STK3: variants seen among roughly 807,000 people sequenced by gnomAD.
STK3 encodes the protein serine/threonine-protein kinase 3.
Under a neutral mutation model 58.0 loss-of-function variants are expected in STK3, and 41 were observed. The ratio of observed to expected loss-of-function variants is 0.71; its 90% CI spans 0.55 to 0.92. The LOEUF is 0.92. Among genes scored for constraint, STK3 ranks in the 40% least tolerant of loss-of-function variants. The probability of loss-of-function intolerance (pLI) is 0.00; values close to 1 mark genes in which losing one functional copy is unlikely to be tolerated. For synonymous variants in STK3, 170 were observed against 191.0 expected (o/e 0.89, Z 0.91); for missense variants, 479 against 602.7 (o/e 0.79, Z 2.15).
At chr8:98,628,891 T>C (rs1305918157) in intron 6 of STK3, among the ~76,000 whole-genome samples, 42 of 149,470 alleles carry the variant, frequency 2.8e-4, no homozygotes, top group Admixed American at 2.5e-3. Flanking sequence ...AGGAATAAAG[T>C]AGACGAAGGC....
chr8:98,385,637 G>A (rs749351732), intron 1 of STK3, among the ~76,000 whole-genome samples: 1 of 152,088 alleles, frequency 6.6e-6, no homozygotes, highest in Non-Finnish European at 1.5e-5. Context: ...GCCCCCGTCC[G>A]TCACTGTAGC....
intron 9 of STK3, among the ~76,000 whole-genome samples, chr8:98,530,141 A>G (rs1229486753): frequency 6.6e-6 from 1 of 152,224 alleles, no homozygotes; most frequent in Non-Finnish European, 1.5e-5. Flanking sequence ...GTTTGCCTTC[A>G]CAACGTCAAT....
At chr8:98,907,450 T>C in intron 1 of STK3, among the ~76,000 whole-genome samples, 1 of 141,216 alleles carries the variant, frequency 7.1e-6, no homozygotes, top group East Asian at 2.2e-4. Context: ...GAGGCAGAAG[T>C]TACAGTGAGC....
intron 6 of STK3, among the ~76,000 whole-genome samples, chr8:98,704,576 A>C (rs1229409751): frequency 6.6e-6 from 1 of 152,072 alleles, no homozygotes; most frequent in Non-Finnish European, 1.5e-5. Flanking sequence ...TAAAAAAAAA[A>C]AAACAGTGAG....
intron 6 of STK3, among the ~76,000 whole-genome samples, chr8:98,679,107 G>A (rs750472405): frequency 6.6e-6 from 1 of 152,100 alleles, no homozygotes; most frequent in Non-Finnish European, 1.5e-5. Flanking sequence ...AGAAGTCACC[G>A]TCATCTCTCG....
chr8:98,768,912 T>C (rs1000682799), intron 2 of STK3, among the ~76,000 whole-genome samples: 4 of 152,234 alleles, frequency 2.6e-5, no homozygotes, highest in Non-Finnish European at 4.4e-5. Context: ...ACTGAGGTAG[T>C]TGGTGGGAGT....
chr8:98,648,498 C>A (rs1044369793), intron 6 of STK3, among the ~76,000 whole-genome samples: 26 of 152,112 alleles, frequency 1.7e-4, no homozygotes, highest in Non-Finnish European at 2.4e-4. Flanking sequence ...AAACTGCTTT[C>A]CAAGAAAAGA....
intron 8 of STK3, among the ~76,000 whole-genome samples, chr8:98,572,076 ACT>A (rs1813013965): frequency 6.6e-6 from 1 of 152,194 alleles, no homozygotes; most frequent in Admixed American, 6.5e-5. Flanking sequence ...AAAAACAAGT[ACT>A]CTTTTACTGT....
intron 6 of STK3, among the ~76,000 whole-genome samples, chr8:98,636,425 T>C (rs1819623584): frequency 1.3e-5 from 2 of 152,176 alleles, no homozygotes; most frequent in Admixed American, 1.3e-4. Context: ...CTGCCTATCA[T>C]ATGCCAGGCA....
At chr8:98,844,744 T>G (rs1263749479) in intron 3 of STK3, among the ~76,000 whole-genome samples, 2 of 152,048 alleles carry the variant, frequency 1.3e-5, no homozygotes, top group Non-Finnish European at 2.9e-5. Context: ...GGATTACAGG[T>G]GTGAGCCACT....
chr8:98,407,753 TGTGTGC>T (rs753828275), intron 3 of STK3, among the ~76,000 whole-genome samples: 8,280 of 110,044 alleles, frequency 0.075, 241 homozygotes, highest in Non-Finnish European at 0.1. Flanking sequence ...TGTGTGTGTG[TGTGTGC>T]GCGCGCGCGC....
At chr8:98,430,644 C>G (rs1299278494) in intron 3 of STK3, 1 of 167,012 alleles carries the variant, frequency 6.0e-6, no homozygotes, top group Non-Finnish European at 1.5e-5. Flanking sequence ...AGCATGTACT[C>G]AAAATATAGA....
chr8:98,449,097 C>CTCTA (rs1164731411), intron 1 of STK3, among the ~76,000 whole-genome samples: 1 of 152,106 alleles, frequency 6.6e-6, no homozygotes. Context: ...CTGTGATGTT[C>CTCTA]TCTATCTTGG....
At chr8:98,638,343 A>G (rs1187589216) in intron 6 of STK3, 2 of 152,206 alleles carry the variant, frequency 1.3e-5, no homozygotes, top group Non-Finnish European at 2.9e-5. Flanking sequence ...AAACTTGCCT[A>G]AATTTAACTG....
chr8:98,454,272 G>C (rs1176954501), downstream of STK3, among the ~76,000 whole-genome samples: 1 of 152,146 alleles, frequency 6.6e-6, no homozygotes, highest in Non-Finnish European at 1.5e-5. Context: ...TCGAAGTTAG[G>C]AGTGTCCATG....
chr8:98,727,041 C>T (rs1369801051), intron 4 of STK3, among the ~76,000 whole-genome samples: 1 of 152,154 alleles, frequency 6.6e-6, no homozygotes, highest in Admixed American at 6.5e-5. Context: ...TTGCTCTTCT[C>T]CTGCTAAACA....
intron 6 of STK3, among the ~76,000 whole-genome samples, chr8:98,653,667 C>G (rs1412514862): frequency 6.6e-6 from 1 of 152,156 alleles, no homozygotes; most frequent in Non-Finnish European, 1.5e-5. Flanking sequence ...ACCGATCCCA[C>G]AGAAATACAA....
chr8:98,359,860 C>T, the STK3 span, among the ~76,000 whole-genome samples: 1 of 152,146 alleles, frequency 6.6e-6, no homozygotes. Flanking sequence ...ATTCTGAAAC[C>T]CTGTAGCTCC....
chr8:98,508,041 C>T (rs745694680), intron 10 of STK3, among the ~76,000 whole-genome samples: 30 of 152,070 alleles, frequency 2.0e-4, no homozygotes, highest in Non-Finnish European at 4.1e-4. Context: ...TGACTGTTTT[C>T]TCCATTACAG....
Sources: allele counts gnomAD v4.1 joint callset (sites outside exome capture counted in the v4.1 genomes callset), GRCh38; gene constraint gnomAD v4.1.1; transcripts MANE v1.5; gene names NCBI Gene and HGNC (gene_info 2026-07-23, HGNC 2026-07-21).